PLEKHA2: variants seen among roughly 807,000 people sequenced by gnomAD.
The protein encoded by PLEKHA2 is pleckstrin homology domain containing A2.
PLEKHA2 carries 28 observed loss-of-function variants against 53.2 expected under a neutral mutation model. The observed-to-expected ratio is 0.53, with a 90% confidence interval of 0.39 to 0.72. The LOEUF (loss-of-function observed/expected upper bound fraction) is 0.72, where lower values mean the gene tolerates loss of function less well. PLEKHA2 is among the 30% of genes least tolerant of loss of function. The pLI is 0.00. For synonymous variants in PLEKHA2, 193 were observed against 196.4 expected (o/e 0.98, Z 0.14); for missense variants, 426 against 537.9 (o/e 0.79, Z 2.06).
intron 2 of PLEKHA2, among the ~76,000 whole-genome samples, chr8:38,935,174 C>T (rs1322134680): frequency 5.9e-5 from 9 of 151,986 alleles, no homozygotes; most frequent in Non-Finnish European, 1.2e-4. Flanking sequence ...CCACCAAGCC[C>T]GGCTCTATAT....
At chr8:38,968,565 T>C in intron 10 of PLEKHA2, 27 bp from the exon 11 acceptor site, 1 of 1,612,332 alleles carries the variant, frequency 6.2e-7, no homozygotes, top group Non-Finnish European at 8.5e-7. Context: ...CTAAAATTTC[T>C]TGGTAAGAGC....
At chr8:38,918,415 A>G (rs893720912) in intron 2 of PLEKHA2, among the ~76,000 whole-genome samples, 2 of 149,022 alleles carry the variant, frequency 1.3e-5, no homozygotes, top group African/African-American at 5.0e-5. Flanking sequence ...ACAGACACAT[A>G]CACACACCAC....
chr8:38,968,212 C>T (rs373218192), intron 10 of PLEKHA2, among the ~76,000 whole-genome samples: 3 of 152,144 alleles, frequency 2.0e-5, no homozygotes, highest in African/African-American at 7.2e-5. Context: ...GAATCTCTAC[C>T]AGCCATAAAC....
At chr8:38,944,136 A>C (rs943450722) in intron 4 of PLEKHA2, among the ~76,000 whole-genome samples, 7 of 152,098 alleles carry the variant, frequency 4.6e-5, no homozygotes, top group Admixed American at 3.9e-4. Context: ...CATGGGGTAC[A>C]TAATGTATAG....
intron 4 of PLEKHA2, among the ~76,000 whole-genome samples, chr8:38,944,449 G>A (rs969904474): frequency 2.6e-5 from 4 of 151,870 alleles, no homozygotes; most frequent in Non-Finnish European, 4.4e-5. Context: ...CCCAGGAGGC[G>A]GAGGTTGCAG....
chr8:38,905,789 A>G (rs528941156), intron 1 of PLEKHA2, among the ~76,000 whole-genome samples: 4 of 151,124 alleles, frequency 2.6e-5, no homozygotes, highest in Admixed American at 2.6e-4. Context: ...GGTTCAAGCA[A>G]TTTTCCTGCT....
rs1370378619 is a variant in PLEKHA2 at position 38,905,719 on chromosome 8, C to G, written c.-24+4274C>G. 2.7e-5 allele frequency among the ~76,000 whole-genome samples: 4 copies of G among 150,282 alleles called. No homozygotes were observed. In the East Asian group the frequency reaches 7.8e-4, roughly 29 times the overall value. On this transcript the variant is annotated intron_variant, in intron 1 of 11. Transcript: ENST00000617275. The stretch of plus-strand genomic sequence containing the variant: ...TTTTTTTTTGAGACAGAGTCTCGCC[C>G]TGTCGCCCATGCTGGAGTGCAGTGG...
chr8:38,903,628 T>C (rs1833826470), intron 1 of PLEKHA2, among the ~76,000 whole-genome samples: 1 of 152,130 alleles, frequency 6.6e-6, no homozygotes, highest in South Asian at 2.1e-4. Context: ...CCTTGCCAAG[T>C]GTTTGCCGAA....
chr8:38,945,356 G>A (rs1036334222), intron 4 of PLEKHA2, among the ~76,000 whole-genome samples: 1 of 152,060 alleles, frequency 6.6e-6, no homozygotes, highest in African/African-American at 2.4e-5. Context: ...ATGAATGAAC[G>A]GATGAATTCT....
intron 2 of PLEKHA2, among the ~76,000 whole-genome samples, chr8:38,932,820 C>T (rs983270193): frequency 1.3e-5 from 2 of 152,200 alleles, no homozygotes; most frequent in African/African-American, 4.8e-5. Flanking sequence ...GCATCAGACA[C>T]GCGTCATATT....
At chr8:38,917,432 T>G (rs1834080163) in intron 1 of PLEKHA2, among the ~76,000 whole-genome samples, 1 of 152,224 alleles carries the variant, frequency 6.6e-6, no homozygotes, top group South Asian at 2.1e-4. Flanking sequence ...GCGAGCCACT[T>G]CACAAGGTTT....
chr8:38,952,579 C>A, intron 7 of PLEKHA2, 57 bp from the exon 8 acceptor site: 1 of 1,543,344 alleles, frequency 6.5e-7, no homozygotes, highest in Admixed American at 1.8e-5. Flanking sequence ...ATGAGTACAC[C>A]CTCCACAATG....
In PLEKHA2 at chr8:38,946,120, G is replaced by A; in HGVS notation, c.248-4G>A. ...TCTTCCCTTCTTTTCTGTGGCTTTTGTAGTTATCAATGCCCTGTCTCAGAG... is the reference window on the plus strand; with the variant it reads ...TCTTCCCTTCTTTTCTGTGGCTTTTATAGTTATCAATGCCCTGTCTCAGAG... On this transcript the variant is annotated splice_region_variant and splice_polypyrimidine_tract_variant and intron_variant, in intron 4 of 11. Coordinates refer to ENST00000617275, the MANE Select transcript of PLEKHA2 (RefSeq NM_021623.2). 1 of 1,599,662 alleles carries A rather than the reference G, an allele frequency of 6.3e-7. No individual in the cohort carries two copies. The highest frequency in any genetic ancestry group is 8.5e-7 in the Non-Finnish European group (1 of 1,171,942).
chr8:38,924,906 A>G lies in PLEKHA2; in HGVS notation c.141+6836A>G, dbSNP rs534569369. On this transcript the variant is annotated intron_variant, in intron 2 of 11. Coordinates refer to ENST00000617275, the MANE Select transcript of PLEKHA2 (RefSeq NM_021623.2). Reference sequence around the variant, plus strand: ...CTAAACTGATATAGAACAAAAACCCATTAGCTAAAAAGGACCTGTATAAAT... The same window carrying G: ...CTAAACTGATATAGAACAAAAACCCGTTAGCTAAAAAGGACCTGTATAAAT... Among the ~76,000 whole-genome samples, 13 of 152,352 alleles carry G rather than the reference A, an allele frequency of 8.5e-5. No homozygotes were observed. In the South Asian group the frequency reaches 1.9e-3, roughly 22 times the overall value.
At position 38,971,971 on chromosome 8, in the gene PLEKHA2, A is replaced by T. The variant is rs970218795; in HGVS notation, c.*2188A>T. On this transcript the variant is annotated 3_prime_UTR_variant, in exon 12 of 12. Transcript: ENST00000617275. ...CAAAAAAAAAATTATCTGATAGGTT[A>T]CTATTGCTAAATTAATTGGCCATTA... 1 of 152,144 alleles carries T rather than the reference A, an allele frequency of 6.6e-6. No individual in the cohort carries two copies. The highest frequency in any genetic ancestry group is 2.4e-5 in the African/African-American group (1 of 41,434). The allele number at this position is 152,144 out of a possible 1,614,324, so 9.4% of individuals were successfully genotyped here. A position where few individuals can be genotyped will look rare whatever the true frequency, so the allele number is the denominator to read the frequency against.
chr8:38,951,546 C>T (rs371823413), intron 6 of PLEKHA2, among the ~76,000 whole-genome samples: 28 of 138,906 alleles, frequency 2.0e-4, no homozygotes, highest in African/African-American at 6.2e-4. Context: ...CACATAATCA[C>T]GGCTTATTGC....
chr8:38,955,484 C>A (rs866593463), intron 9 of PLEKHA2, among the ~76,000 whole-genome samples: 3 of 152,150 alleles, frequency 2.0e-5, no homozygotes, highest in African/African-American at 4.8e-5. Flanking sequence ...TTTGTAGTGA[C>A]CAGCCTGATC....
At chr8:38,903,766 G>A (rs1833828931) in intron 1 of PLEKHA2, among the ~76,000 whole-genome samples, 3 of 152,176 alleles carry the variant, frequency 2.0e-5, no homozygotes, top group Admixed American at 1.3e-4. Context: ...GCAGACCACA[G>A]TGCATCAGAA....
intron 2 of PLEKHA2, among the ~76,000 whole-genome samples, chr8:38,919,407 C>A (rs575328481): frequency 6.4e-4 from 97 of 152,294 alleles, no homozygotes; most frequent in African/African-American, 2.3e-3. Flanking sequence ...TTTCCTTCCC[C>A]TACCCTTGAG....
Sources: gnomAD v4.1 joint callset for allele counts (sites outside exome capture counted in the v4.1 genomes callset) on GRCh38, gnomAD v4.1.1 for gene constraint, MANE v1.5 for transcripts, NCBI Gene and HGNC (gene_info 2026-07-23, HGNC 2026-07-21) for gene names.